NHERF2: variants seen among roughly 807,000 people sequenced by gnomAD.
NHERF2 encodes the protein Na(+)/H(+) exchange regulatory cofactor NHE-RF2.
the NHERF2 span, chr16:2,036,166 C>T: frequency 1.4e-6 from 1 of 704,564 alleles, no homozygotes; most frequent in Non-Finnish European, 2.3e-6. Flanking sequence ...AAAGCTCTGT[C>T]ACAGGCAGCC....
chr16:2,030,242 A>G, the NHERF2 span, among the ~76,000 whole-genome samples: 1 of 152,122 alleles, frequency 6.6e-6, no homozygotes, highest in Non-Finnish European at 1.5e-5. Flanking sequence ...CTCCACAGGC[A>G]GCGCCGTGGT....
At chr16:2,033,579 G>A in the NHERF2 span, 270 of 872,966 alleles carry the variant, frequency 3.1e-4, 4 homozygotes, top group South Asian at 4.4e-3. Context: ...GGGCTGGTGC[G>A]TCACCATCTG....
chr16:2,033,314 G>T, the NHERF2 span: 8 of 1,532,848 alleles, frequency 5.2e-6, no homozygotes, highest in Middle Eastern at 2.3e-4. Context: ...GGCCACCCCG[G>T]CCGGACGCCT....
chr16:2,031,024 G>A, the NHERF2 span, among the ~76,000 whole-genome samples: 1 of 150,478 alleles, frequency 6.6e-6, no homozygotes, highest in Non-Finnish European at 1.5e-5. Flanking sequence ...TGAGAACCGC[G>A]CTTGGGGCAG....
the NHERF2 span, chr16:2,036,746 G>A: frequency 9.3e-6 from 15 of 1,612,916 alleles, no homozygotes; most frequent in Non-Finnish European, 1.3e-5. Context: ...GCAGAATGTG[G>A]AGGGACTGCG....
chr16:2,033,177 C>T, the NHERF2 span: 37 of 1,430,846 alleles, frequency 2.6e-5, 1 homozygote, highest in South Asian at 1.3e-4. Context: ...CGCAGGGGAG[C>T]GGGCTCAGTC....
chr16:2,029,171 A>G, the NHERF2 span, among the ~76,000 whole-genome samples: 35 of 152,336 alleles, frequency 2.3e-4, no homozygotes, highest in South Asian at 6.8e-3. Context: ...GGACGGAGAC[A>G]CAGACTTTGA....
the NHERF2 span, chr16:2,036,686 G>A: frequency 3.7e-6 from 6 of 1,605,040 alleles, no homozygotes; most frequent in South Asian, 6.6e-5. Context: ...GTTGGGGGCT[G>A]TCTGGGCCCA....
the NHERF2 span, chr16:2,037,395 C>T: frequency 1.2e-4 from 95 of 800,960 alleles, no homozygotes; most frequent in South Asian, 4.7e-4. Context: ...CCTGCCCCGC[C>T]GCATCTGGAG....
chr16:2,033,988 T>C, the NHERF2 span, among the ~76,000 whole-genome samples: 1 of 152,302 alleles, frequency 6.6e-6, no homozygotes, highest in South Asian at 2.1e-4. Context: ...AGACGGCTGC[T>C]TCTGGACAGA....
chr16:2,027,324 C>T, the NHERF2 span: 5 of 601,722 alleles, frequency 8.3e-6, no homozygotes, highest in Non-Finnish European at 1.2e-5. Context: ...GCGGGGAGGA[C>T]GCGGACGTTG....
the NHERF2 span, among the ~76,000 whole-genome samples, chr16:2,028,540 G>C: frequency 6.6e-6 from 1 of 152,234 alleles, no homozygotes; most frequent in African/African-American, 2.4e-5. Flanking sequence ...CCATTTGACA[G>C]TTGAGGAAAC....
chr16:2,027,799 C>T, the NHERF2 span, among the ~76,000 whole-genome samples: 1 of 152,158 alleles, frequency 6.6e-6, no homozygotes, highest in African/African-American at 2.4e-5. Context: ...TGTGTGCACG[C>T]CTGGCTAGTG....
chr16:2,036,454 G>A, the NHERF2 span: 1 of 1,603,728 alleles, frequency 6.2e-7, no homozygotes. Flanking sequence ...GTGGACCCGG[G>A]CTCACCTGCC....
chr16:2,032,018 CTTTCTT>C, the NHERF2 span, among the ~76,000 whole-genome samples: 4 of 147,148 alleles, frequency 2.7e-5, no homozygotes, highest in African/African-American at 4.9e-5. The surrounding 1 kb of genome is among the most constrained non-coding windows in gnomAD (Gnocchi z 4.0). Flanking sequence ...TCATTTCTTT[CTTTCTT>C]TTTTTTTTTT....
the NHERF2 span, among the ~76,000 whole-genome samples, chr16:2,034,198 G>A: frequency 2.6e-5 from 4 of 152,198 alleles, no homozygotes; most frequent in African/African-American, 4.8e-5. Context: ...GTGCGTGTTT[G>A]CAGGTGTGTG....
At chr16:2,038,837 G>C in the NHERF2 span, 1 of 155,610 alleles carries the variant, frequency 6.4e-6, no homozygotes, top group Non-Finnish European at 1.4e-5. Context: ...GTGTGAGAGC[G>C]GCACCCGGGA....
At chr16:2,030,802 A>C in the NHERF2 span, among the ~76,000 whole-genome samples, 1 of 151,996 alleles carries the variant, frequency 6.6e-6, no homozygotes, top group Non-Finnish European at 1.5e-5. Flanking sequence ...TCAGTTGGGC[A>C]TGGTGGGGCA....
the NHERF2 span, chr16:2,033,406 C>G: frequency 1.3e-6 from 2 of 1,533,458 alleles, no homozygotes; most frequent in Non-Finnish European, 1.7e-6. Flanking sequence ...AGCCCCTCCA[C>G]GGAGCCCACC....
Sources: allele counts gnomAD v4.1 joint callset (sites outside exome capture counted in the v4.1 genomes callset), GRCh38; gene constraint gnomAD v4.1.1; non-coding constraint Gnocchi (gnomAD v3.1); transcripts MANE v1.5; gene names NCBI Gene and HGNC (gene_info 2026-07-23, HGNC 2026-07-21).